The following AGMO variants were observed in gnomAD, a reference collection of about 807,000 sequenced individuals.
The protein encoded by AGMO is alkylglycerol monooxygenase.
Under a neutral mutation model 60.2 loss-of-function variants are expected in AGMO, and 75 were observed. The ratio of observed to expected loss-of-function variants is 1.25; its 90% CI spans 1.03 to 1.51. The LOEUF (loss-of-function observed/expected upper bound fraction) is 1.51, where lower values mean the gene tolerates loss of function less well. AGMO is among the 40% of genes most tolerant of loss of function. The pLI is 0.00. For missense variants in AGMO, 763 were observed against 525.5 expected, an observed-to-expected ratio of 1.45 and a Z score of -4.42; for synonymous variants, 261 against 177.1, an observed-to-expected ratio of 1.47 and a Z score of -3.76.
At chr7:15,133,650 G>C in the AGMO span, among the ~76,000 whole-genome samples, 1 of 152,096 alleles carries the variant, frequency 6.6e-6, no homozygotes, top group African/African-American at 2.4e-5. Context: ...TTAAACAATT[G>C]AAGCTACGCA....
intron 3 of AGMO, among the ~76,000 whole-genome samples, chr7:15,524,608 AT>A (rs1784076572): frequency 6.6e-6 from 1 of 152,146 alleles, no homozygotes; most frequent in Non-Finnish European, 1.5e-5. Context: ...CATGCCTGTA[AT>A]CCTAGCACTT....
the AGMO span, among the ~76,000 whole-genome samples, chr7:15,158,860 T>G: frequency 6.6e-6 from 1 of 152,110 alleles, no homozygotes; most frequent in African/African-American, 2.4e-5. Flanking sequence ...AAAATAAAGA[T>G]AAAAATCAAG....
At chr7:15,298,023 CAT>C (rs1451037853) in intron 12 of AGMO, among the ~76,000 whole-genome samples, 1 of 152,112 alleles carries the variant, frequency 6.6e-6, no homozygotes, top group East Asian at 1.9e-4. Context: ...AAGTCAGTAA[CAT>C]ATCCCATTAA....
At chr7:15,203,552 T>C (rs145915232) in intron 12 of AGMO, among the ~76,000 whole-genome samples, 14 of 151,830 alleles carry the variant, frequency 9.2e-5, no homozygotes, top group African/African-American at 3.4e-4. Context: ...CTATGTGTTA[T>C]CCCTTCAAAG....
rs1782371369 is a variant in AGMO, at chr7:15,354,314, GCGTGTATATACGTA to G, written c.1263+11186_1263+11199del. Among the ~76,000 whole-genome samples, 3 of 64,762 alleles carry G rather than the reference GCGTGTATATACGTA, an allele frequency of 4.6e-5. 1 individual carries two copies. Among genetic ancestry groups the G allele is most frequent in the African/African-American group, 2.2e-4 (2 of 9,064 alleles). The allele number at this position is 64,762 out of a possible 152,430, so 42.5% of individuals were successfully genotyped here. ...GATAAATATATATACGTGTATACACGCGTGTATATACGTACGCGTGTATATACACGCGTGTATAT... is the reference window on the plus strand; with the variant it reads ...GATAAATATATATACGTGTATACACGCGCGTGTATATACACGCGTGTATAT... On this transcript the variant is annotated intron_variant, in intron 12 of 12. Transcript: ENST00000342526.
chr7:15,191,964 GTC>G, the AGMO span, among the ~76,000 whole-genome samples: 4,817 of 95,136 alleles, frequency 0.051, 225 homozygotes, highest in African/African-American at 0.15. Flanking sequence ...CTCTCCCTCT[GTC>G]TCTCTCTCAC....
At chr7:15,189,678 T>C in the AGMO span, among the ~76,000 whole-genome samples, 1 of 152,106 alleles carries the variant, frequency 6.6e-6, no homozygotes, top group Non-Finnish European at 1.5e-5. Flanking sequence ...CAAAGTTGTA[T>C]ATTGAATTTC....
intron 3 of AGMO, among the ~76,000 whole-genome samples, chr7:15,541,946 T>C (rs1198408131): frequency 6.6e-6 from 1 of 152,142 alleles, no homozygotes; most frequent in East Asian, 1.9e-4. Flanking sequence ...AAAGTAGGAT[T>C]TGATTTTTTT....
chr7:15,507,001 G>A (rs923802518), intron 3 of AGMO, among the ~76,000 whole-genome samples: 3 of 151,828 alleles, frequency 2.0e-5, no homozygotes, highest in Non-Finnish European at 4.4e-5. Flanking sequence ...AAAAGAAAAG[G>A]AAATAAAATT....
intron 12 of AGMO, among the ~76,000 whole-genome samples, chr7:15,273,598 A>G (rs1466190668): frequency 2.0e-5 from 3 of 152,016 alleles, no homozygotes; most frequent in African/African-American, 2.4e-5. Context: ...TTGACTTGGC[A>G]ATTTGGGCTC....
intron 12 of AGMO, among the ~76,000 whole-genome samples, chr7:15,202,817 G>A (rs1781334240): frequency 6.6e-6 from 1 of 152,052 alleles, no homozygotes; most frequent in South Asian, 2.1e-4. Context: ...TTCTTCTGAT[G>A]GTGCCAGGTA....
chr7:15,391,858 G>A (rs984740842), intron 6 of AGMO, among the ~76,000 whole-genome samples: 1 of 152,092 alleles, frequency 6.6e-6, no homozygotes, highest in Non-Finnish European at 1.5e-5. Context: ...CATCTAATGG[G>A]TGGGGGCCAG....
the AGMO span, among the ~76,000 whole-genome samples, chr7:15,140,653 A>G: frequency 2.0e-5 from 3 of 152,128 alleles, no homozygotes; most frequent in African/African-American, 7.2e-5. Flanking sequence ...TCTTCAGTCT[A>G]ATCTAAACTT....
chr7:15,207,892 C>A (rs895904877), intron 12 of AGMO, among the ~76,000 whole-genome samples: 4 of 152,110 alleles, frequency 2.6e-5, no homozygotes, highest in African/African-American at 9.7e-5. Flanking sequence ...CGAGATGGTG[C>A]CACTGCACTC....
intron 12 of AGMO, among the ~76,000 whole-genome samples, chr7:15,333,689 C>T (rs372478019): frequency 6.7e-6 from 1 of 150,164 alleles, no homozygotes; most frequent in Non-Finnish European, 1.5e-5. Context: ...CATGACAAAA[C>T]AAAACCACCA....
chr7:15,430,838 C>T (rs1443589588), intron 4 of AGMO, among the ~76,000 whole-genome samples, 167 bp downstream of exon 4: 1 of 150,756 alleles, frequency 6.6e-6, no homozygotes, highest in Non-Finnish European at 1.5e-5. Flanking sequence ...GTGTGTCTGG[C>T]CTTACAGAAG....
rs1780948863 is a variant in AGMO, at chr7:15,422,353, T to C, written c.514-3700A>G. 5.3e-5 allele frequency among the ~76,000 whole-genome samples: 8 copies of C among 151,008 alleles called. No individual in the cohort carries two copies. In the South Asian group the frequency reaches 1.7e-3, roughly 32 times the overall value. ...AGCCAGTTGAAAGGAAGAGGGAAAA[T>C]GCCAAGAGTATTTGATAGCACAAAG... On this transcript the variant is annotated intron_variant, in intron 4 of 12. Coordinates refer to ENST00000342526, the MANE Select transcript of AGMO (RefSeq NM_001004320.2).
chr7:15,517,199 G>C (rs1303485552), intron 3 of AGMO, among the ~76,000 whole-genome samples: 1 of 151,600 alleles, frequency 6.6e-6, no homozygotes, highest in Non-Finnish European at 1.5e-5. Context: ...TCACAAGAAG[G>C]ACTTATAATG....
chr7:15,285,289 T>C (rs1404975075), intron 12 of AGMO, among the ~76,000 whole-genome samples: 2 of 152,054 alleles, frequency 1.3e-5, no homozygotes, highest in Non-Finnish European at 2.9e-5. Flanking sequence ...AGTTAAACTA[T>C]CATTGTTCAC....
Sources: allele counts gnomAD v4.1 joint callset (sites outside exome capture counted in the v4.1 genomes callset), GRCh38; gene constraint gnomAD v4.1.1; transcripts MANE v1.5; gene names NCBI Gene and HGNC (gene_info 2026-07-23, HGNC 2026-07-21).